Variants in ACOXL observed in about 807,000 individuals in gnomAD.
ACOXL encodes acyl-coenzyme A oxidase-like protein.
Under a neutral mutation model 71.9 loss-of-function variants are expected in ACOXL, and 70 were observed. The observed-to-expected ratio is 0.97, with a 90% CI of 0.80 to 1.19. The LOEUF is 1.19. ACOXL is among the 50% of genes most tolerant of loss of function. The pLI is 0.00. For missense variants in ACOXL, 703 were observed against 736.3 expected (o/e 0.95, Z 0.52); for synonymous variants, 253 against 281.6 (o/e 0.90, Z 1.02).
At chr2:110,776,125 G>A (rs80270380) in intron 2 of ACOXL, among the ~76,000 whole-genome samples, 3,838 of 152,258 alleles carry the variant, frequency 0.025, 71 homozygotes, top group East Asian at 0.055. Context: ...GCTATAACAC[G>A]TATGAACCTG....
At chr2:111,018,498 G>A (rs1471944445) in intron 14 of ACOXL, among the ~76,000 whole-genome samples, 1 of 152,156 alleles carries the variant, frequency 6.6e-6, no homozygotes, top group African/African-American at 2.4e-5. Flanking sequence ...GTGATTGGGT[G>A]GCGGATGGGC....
At chr2:110,979,776 C>A (rs974877409) in intron 12 of ACOXL, among the ~76,000 whole-genome samples, 14 of 152,196 alleles carry the variant, frequency 9.2e-5, no homozygotes, top group South Asian at 2.1e-4. Context: ...CTCAGATTGC[C>A]ATGGGCAGTG....
chr2:110,793,886 C>G, intron 4 of ACOXL, 150 bp downstream of exon 4: 1 of 880,206 alleles, frequency 1.1e-6, no homozygotes, highest in Non-Finnish European at 1.8e-6. Flanking sequence ...AATTCCAAGA[C>G]TATCTTTTTT....
chr2:110,927,681 A>G (rs556352579), intron 11 of ACOXL, among the ~76,000 whole-genome samples: 1 of 152,204 alleles, frequency 6.6e-6, no homozygotes, highest in South Asian at 2.1e-4. Context: ...TTGTGATTGT[A>G]AATTCTGTGA....
chr2:110,960,149 G>A (rs1455580400), intron 12 of ACOXL, among the ~76,000 whole-genome samples: 1 of 152,180 alleles, frequency 6.6e-6, no homozygotes, highest in Admixed American at 6.5e-5. Flanking sequence ...GGTCTGAGGG[G>A]AGTGTTCCAG....
intron 1 of ACOXL, among the ~76,000 whole-genome samples, chr2:110,753,623 T>G (rs1167669213): frequency 6.6e-6 from 1 of 152,254 alleles, no homozygotes; most frequent in East Asian, 1.9e-4. Context: ...ATTCTATTGA[T>G]GGACACCAGG....
intron 9 of ACOXL, among the ~76,000 whole-genome samples, chr2:110,835,568 C>A (rs1690350529): frequency 6.6e-6 from 1 of 152,180 alleles, no homozygotes; most frequent in Admixed American, 6.5e-5. Flanking sequence ...GCCTCATCTC[C>A]TCCAGACCTG....
chr2:110,991,041 A>G (rs1259232512), intron 13 of ACOXL, among the ~76,000 whole-genome samples: 9 of 152,206 alleles, frequency 5.9e-5, no homozygotes, highest in African/African-American at 2.2e-4. Flanking sequence ...AAAGAATTTG[A>G]TAATTCATCA....
intron 10 of ACOXL, among the ~76,000 whole-genome samples, chr2:110,888,484 A>G (rs1007271853): frequency 4.0e-5 from 6 of 150,322 alleles, no homozygotes; most frequent in African/African-American, 1.5e-4. Flanking sequence ...GTACACTTAA[A>G]CACAACACTC....
chr2:110,936,410 C>T (rs1173476401), intron 12 of ACOXL, among the ~76,000 whole-genome samples: 2 of 152,048 alleles, frequency 1.3e-5, no homozygotes, highest in African/African-American at 2.4e-5. Flanking sequence ...GGACTACAGG[C>T]GCATACCACT....
chr2:110,773,346 C>A (rs1034261458), intron 2 of ACOXL, among the ~76,000 whole-genome samples: 1 of 152,180 alleles, frequency 6.6e-6, no homozygotes, highest in African/African-American at 2.4e-5. Context: ...TACTTTTCTA[C>A]TCAGACCTTG....
At chr2:110,875,482 G>A (rs1186495664) in intron 10 of ACOXL, among the ~76,000 whole-genome samples, 1 of 152,172 alleles carries the variant, frequency 6.6e-6, no homozygotes, top group Non-Finnish European at 1.5e-5. Context: ...AGCCCCAGAA[G>A]TCACCGACCC....
intron 12 of ACOXL, among the ~76,000 whole-genome samples, chr2:110,958,057 A>C (rs1348882026): frequency 1.3e-5 from 2 of 151,914 alleles, no homozygotes; most frequent in Non-Finnish European, 1.5e-5. Flanking sequence ...CTCAAAAAAA[A>C]AAAAAAAAAA....
At chr2:110,845,019 G>A (rs1691638325) in intron 10 of ACOXL, among the ~76,000 whole-genome samples, 1 of 152,184 alleles carries the variant, frequency 6.6e-6, no homozygotes. Context: ...CTTTTTTCCT[G>A]TGTGGTGAAA....
At chr2:110,917,582 G>T (rs377079079) in intron 11 of ACOXL, among the ~76,000 whole-genome samples, 1 of 152,102 alleles carries the variant, frequency 6.6e-6, no homozygotes, top group Admixed American at 6.6e-5. Context: ...AGAAATAAAG[G>T]GTATTCAAAT....
chr2:110,813,113 C>T (rs201146349), intron 9 of ACOXL, among the ~76,000 whole-genome samples: 8 of 152,264 alleles, frequency 5.3e-5, no homozygotes, highest in East Asian at 3.9e-4. Flanking sequence ...AGAGTATCTG[C>T]GTCACATTCA....
chr2:110,789,581 G>A (rs1221406060), intron 3 of ACOXL, among the ~76,000 whole-genome samples: 1 of 152,132 alleles, frequency 6.6e-6, no homozygotes, highest in Non-Finnish European at 1.5e-5. Context: ...GAGAGGTGCT[G>A]CTTTTTCTTC....
intron 1 of ACOXL, among the ~76,000 whole-genome samples, chr2:110,764,469 A>G (rs923654513): frequency 6.6e-6 from 1 of 152,202 alleles, no homozygotes; most frequent in Non-Finnish European, 1.5e-5. Flanking sequence ...AGGCAAAACT[A>G]TGGAGACAGT....
chr2:110,886,732 C>T (rs765963498), intron 10 of ACOXL: 19 of 1,549,728 alleles, frequency 1.2e-5, no homozygotes, highest in African/African-American at 2.7e-5. Context: ...GTTAGCCTTG[C>T]GGAAGAACTG....
Sources: allele counts gnomAD v4.1 joint callset (sites outside exome capture counted in the v4.1 genomes callset), GRCh38; gene constraint gnomAD v4.1.1; transcripts MANE v1.5; gene names NCBI Gene and HGNC (gene_info 2026-07-23, HGNC 2026-07-21).